Variants in SLMAP observed in about 807,000 individuals in gnomAD.
SLMAP encodes sarcolemma associated protein.
In SLMAP, 44 loss-of-function variants were observed where a neutral mutation model predicts 128.8. That is an observed-to-expected ratio of 0.34 (90% CI 0.27 to 0.44). The LOEUF (loss-of-function observed/expected upper bound fraction) is 0.44. Among genes scored for constraint, SLMAP ranks in the 20% least tolerant of loss-of-function variants. The pLI, the probability that SLMAP is intolerant of heterozygous loss-of-function variation, is 1.00. For synonymous variants in SLMAP, 327 were observed against 348.8 expected, an observed-to-expected ratio of 0.94 and a Z score of 0.70; for missense variants, 787 against 985.3, an observed-to-expected ratio of 0.80 and a Z score of 2.69.
intron 8 of SLMAP, among the ~76,000 whole-genome samples, chr3:57,859,674 A>G (rs987689681): frequency 1.3e-5 from 2 of 152,162 alleles, no homozygotes; most frequent in African/African-American, 4.8e-5. Context: ...GTAAAGGCAT[A>G]AAGAGTGCTA....
At chr3:57,838,441 G>C (rs2093745080) in intron 3 of SLMAP, among the ~76,000 whole-genome samples, 1 of 152,152 alleles carries the variant, frequency 6.6e-6, no homozygotes. Flanking sequence ...TACTAAGCAG[G>C]CATGTTCCTC....
chr3:57,757,327 CTG>C lies in SLMAP; in HGVS notation c.-321_-320del. 1 of 413,668 alleles carries C rather than the reference CTG, an allele frequency of 2.4e-6. No individual in the cohort carries two copies. 25.6% of individuals were successfully genotyped at this position (413,668 alleles called of 1,614,324 possible). ...TGCTTGGATACCTCCAGTCCCCAAACTGTGTTCCAGGAGTTTTCTTGGCCGAA... is the reference window on the plus strand; with the variant it reads ...TGCTTGGATACCTCCAGTCCCCAAACTGTTCCAGGAGTTTTCTTGGCCGAA... On this transcript the variant is annotated 5_prime_UTR_variant, in exon 2 of 25. The change abolishes the stop of an existing upstream ORF in the 5' untranslated region. Coordinates refer to ENST00000671191, the MANE Select transcript of SLMAP (RefSeq NM_001377540.1).
At chr3:57,855,737 A>C (rs988609937) in intron 6 of SLMAP, among the ~76,000 whole-genome samples, 3 of 149,986 alleles carry the variant, frequency 2.0e-5, no homozygotes, top group Non-Finnish European at 3.0e-5. Context: ...AAAAAAAAAA[A>C]CTTTAAATAA....
intron 2 of SLMAP, among the ~76,000 whole-genome samples, chr3:57,775,448 G>A (rs2081666049): frequency 6.8e-6 from 1 of 147,332 alleles, no homozygotes; most frequent in Non-Finnish European, 1.5e-5. Context: ...TGAGGCAGGA[G>A]GATTACTTGA....
chr3:57,871,028 A>G (rs921002548), intron 13 of SLMAP, among the ~76,000 whole-genome samples: 1 of 152,214 alleles, frequency 6.6e-6, no homozygotes, highest in Non-Finnish European at 1.5e-5. Context: ...AAAACCATTT[A>G]CCAAGCTCTT....
intron 18 of SLMAP, 46 bp from the exon 19 acceptor site, chr3:57,909,030 C>G: frequency 7.5e-7 from 1 of 1,338,674 alleles, no homozygotes; most frequent in South Asian, 1.3e-5. Context: ...TGAGTACTTT[C>G]ATTAATTCAC....
At chr3:57,926,698 G>A (rs540116831) in intron 24 of SLMAP, among the ~76,000 whole-genome samples, 6 of 152,278 alleles carry the variant, frequency 3.9e-5, no homozygotes, top group South Asian at 4.1e-4. Context: ...GAGCATATGC[G>A]GTGATCATGT....
chr3:57,821,424 C>T (rs2092506225), intron 2 of SLMAP, among the ~76,000 whole-genome samples: 1 of 152,070 alleles, frequency 6.6e-6, no homozygotes, highest in Admixed American at 6.6e-5. Context: ...AACATTTCAC[C>T]ACTTCTATAT....
In SLMAP at chr3:57,860,856, A is replaced by C; in HGVS notation, c.828+17A>C. On this transcript the variant is annotated intron_variant, in intron 9 of 24. Transcript: ENST00000671191. ...GAAGTTGAGGTATTTCAATCAAAAA[A>C]AAAATACTAAATAGTATTATGAGTG... 1 of 1,566,314 alleles carries C rather than the reference A, an allele frequency of 6.4e-7. No homozygotes were observed. The highest frequency in any genetic ancestry group is 1.2e-5 in the South Asian group (1 of 83,890).
intron 6 of SLMAP, among the ~76,000 whole-genome samples, chr3:57,856,783 T>G (rs2094812687): frequency 6.6e-6 from 1 of 152,188 alleles, no homozygotes; most frequent in Non-Finnish European, 1.5e-5. Context: ...CTATATATAA[T>G]TATATGTGCT....
At chr3:57,820,021 G>A (rs2092357029) in intron 2 of SLMAP, among the ~76,000 whole-genome samples, 1 of 152,152 alleles carries the variant, frequency 6.6e-6, no homozygotes, top group Admixed American at 6.5e-5. Context: ...AAAGCACTGG[G>A]ATTACAGGTG....
At chr3:57,775,537 AAGAG>A (rs1190690021) in intron 2 of SLMAP, among the ~76,000 whole-genome samples, 2 of 148,988 alleles carry the variant, frequency 1.3e-5, no homozygotes, top group Non-Finnish European at 3.0e-5. Flanking sequence ...AAAAAAAAAA[AAGAG>A]CCGGGCGTGG....
rs142871558 is a variant in SLMAP, at chr3:57,861,934, A to G, written c.829-15A>G. ...CACTTATTCTAATTAAATTGCCTGTAAACTTGAATCGCAGCGAAGTCTGAG... is the reference window on the plus strand; with the variant it reads ...CACTTATTCTAATTAAATTGCCTGTGAACTTGAATCGCAGCGAAGTCTGAG... On this transcript the variant is annotated splice_polypyrimidine_tract_variant and intron_variant, in intron 9 of 24. Coordinates refer to ENST00000671191, the MANE Select transcript of SLMAP (RefSeq NM_001377540.1). 398 of 1,604,932 alleles carry G rather than the reference A, an allele frequency of 2.5e-4. 2 individuals carry two copies. In the African/African-American group the frequency reaches 4.1e-3, roughly 17 times the overall value.
At chr3:57,825,500 C>CTTTTTTTTTTT (rs539901060) in intron 2 of SLMAP, among the ~76,000 whole-genome samples, 4 of 106,582 alleles carry the variant, frequency 3.8e-5, no homozygotes, top group African/African-American at 1.0e-4. Context: ...TGTGTGTTTT[C>CTTTTTTTTTTT]TTTTTTTTTT....
chr3:57,756,849 C>T lies in SLMAP; in HGVS notation c.-803C>T, dbSNP rs2077763539. 6.6e-6 allele frequency: 1 copy of T among 152,204 alleles called. No homozygotes were observed. Among genetic ancestry groups the T allele is most frequent in the African/African-American group, 2.4e-5 (1 of 41,450 alleles). The allele number at this position is 152,204 out of a possible 1,614,324, so 9.4% of individuals were successfully genotyped here. A position where few individuals can be genotyped will look rare whatever the true frequency, so the allele number is the denominator to read the frequency against. On this transcript the variant is annotated 5_prime_UTR_variant, in exon 2 of 25. Coordinates refer to ENST00000671191, the MANE Select transcript of SLMAP (RefSeq NM_001377540.1). ...GAGCCTCCCGGTGTCGCGCCTCGCT[C>T]GGTCCGCACCGGCCTGCGGAGCCGG...
At chr3:57,835,661 C>G (rs2093605759) in intron 3 of SLMAP, among the ~76,000 whole-genome samples, 2 of 151,762 alleles carry the variant, frequency 1.3e-5, no homozygotes, top group African/African-American at 4.8e-5. Flanking sequence ...GAAGTTACCC[C>G]TAATAAAAAT....
intron 22 of SLMAP, 143 bp downstream of exon 22, chr3:57,917,220 G>T: frequency 1.3e-6 from 2 of 1,517,954 alleles, no homozygotes; most frequent in South Asian, 2.5e-5. Flanking sequence ...TCTCTGCTTG[G>T]TGATTTCTAG....
intron 5 of SLMAP, among the ~76,000 whole-genome samples, chr3:57,848,320 C>T (rs553932971): frequency 6.7e-6 from 1 of 149,988 alleles, no homozygotes; most frequent in Non-Finnish European, 1.5e-5. Context: ...CCCTTCTTCT[C>T]CCCCTTCTCC....
rs187684360 is a variant in SLMAP, at chr3:57,790,481, A to G, written c.198+32632A>G. Among the ~76,000 whole-genome samples the G allele has an allele frequency of 4.1e-4, 62 of 152,330 alleles. No homozygotes were observed. In the East Asian group the frequency reaches 9.2e-3, roughly 23 times the overall value. On this transcript the variant is annotated intron_variant, in intron 2 of 24. Transcript: ENST00000671191. ...AAAAAAAAAAGTGGAACACGGTGGTAAAATATTAATCTTTTTGCAGTAGAT... is the reference window on the plus strand; with the variant it reads ...AAAAAAAAAAGTGGAACACGGTGGTGAAATATTAATCTTTTTGCAGTAGAT...
Sources: gnomAD v4.1 joint callset for allele counts (sites outside exome capture counted in the v4.1 genomes callset) on GRCh38, gnomAD v4.1.1 for gene constraint, MANE v1.5 for transcripts, NCBI Gene and HGNC (gene_info 2026-07-23, HGNC 2026-07-21) for gene names.